Variants in DRC3 observed in about 807,000 individuals in gnomAD.
DRC3 encodes the protein dynein regulatory complex subunit 3.
Under a neutral mutation model 57.6 loss-of-function variants are expected in DRC3, and 45 were observed. That is an observed-to-expected ratio of 0.78 (90% CI 0.62 to 1.00). The LOEUF (loss-of-function observed/expected upper bound fraction) is 1.00, where lower values mean the gene tolerates loss of function less well. Among genes scored for constraint, DRC3 ranks in the 50% least tolerant of loss-of-function variants. The pLI is 0.00. For missense variants in DRC3, 655 were observed against 675.2 expected (o/e 0.97, Z 0.33); for synonymous variants, 257 against 272.3 (o/e 0.94, Z 0.55).
At position 17,998,675 on chromosome 17, in the gene DRC3, C is replaced by T. The variant is rs76061573; in HGVS notation, c.999+1041C>T. On this transcript the variant is annotated intron_variant, in intron 9 of 13. Transcript: ENST00000399187. ...TGGTGATCCACTCCCATGTGCTTCCCGCCTCCCCAACGGCCACCCCCATTC... is the reference window on the plus strand; with the variant it reads ...TGGTGATCCACTCCCATGTGCTTCCTGCCTCCCCAACGGCCACCCCCATTC... Among the ~76,000 whole-genome samples the T allele has an allele frequency of 4.6e-3, 698 of 152,196 alleles. 8 individuals carry two copies. Among genetic ancestry groups the T allele is most frequent in the African/African-American group, 0.016 (678 of 41,518 alleles).
At chr17:18,006,533 C>A in intron 11 of DRC3, 1 of 513,144 alleles carries the variant, frequency 1.9e-6, no homozygotes, top group Non-Finnish European at 3.5e-6. Flanking sequence ...TGAGGCAACC[C>A]CCACGTGGAA....
chr17:18,014,018 G>A (rs141677723), intron 12 of DRC3, among the ~76,000 whole-genome samples: 167 of 150,750 alleles, frequency 1.1e-3, no homozygotes, highest in African/African-American at 3.8e-3. Context: ...CTGCAACCTC[G>A]GCCTCCCAGG....
chr17:17,992,986 C>T, intron 6 of DRC3, 75 bp downstream of exon 6: 1 of 1,532,928 alleles, frequency 6.5e-7, no homozygotes, highest in Non-Finnish European at 9.0e-7. Context: ...GGAAAAGGGG[C>T]ATTGAAGAGT....
At chr17:17,981,316 T>C in intron 3 of DRC3, 1 of 253,140 alleles carries the variant, frequency 4.0e-6, no homozygotes, top group South Asian at 6.2e-5. Flanking sequence ...CAGCACCCTA[T>C]CCCTGCAGAC....
At chr17:18,006,471 T>C in intron 11 of DRC3, 1 of 580,938 alleles carries the variant, frequency 1.7e-6, no homozygotes, top group East Asian at 2.8e-5. Flanking sequence ...ATATGAGTGA[T>C]GTTCACTAGG....
rs150707975 is a variant in DRC3 at position 18,010,192 on chromosome 17, G to A, written c.1326+3045G>A. On this transcript the variant is annotated intron_variant, in intron 12 of 13. Transcript: ENST00000399187. ...TCTGGCTGGCACCAGGAGACTCCGC[G>A]TTGGCTTGTCCCTGCCCATCAAGCC... Among the ~76,000 whole-genome samples the A allele has an allele frequency of 2.0e-4, 30 of 152,340 alleles. No individual in the cohort carries two copies. The East Asian group carries it at 2.3e-3, about 12-fold the overall frequency.
intron 11 of DRC3, chr17:18,006,558 T>A (rs572708100): frequency 3.3e-5 from 15 of 453,482 alleles, no homozygotes; most frequent in African/African-American, 2.7e-4. Flanking sequence ...CTATAAGGAG[T>A]ACATCAGGTG....
intron 3 of DRC3, among the ~76,000 whole-genome samples, chr17:17,979,523 T>C (rs2042552393): frequency 6.6e-6 from 1 of 152,224 alleles, no homozygotes; most frequent in South Asian, 2.1e-4. Flanking sequence ...TGTTGAAGAT[T>C]AAATCGGCTT....
intron 9 of DRC3, among the ~76,000 whole-genome samples, chr17:18,002,718 TGAGGCA>T (rs2145400144): frequency 6.6e-6 from 1 of 152,266 alleles, no homozygotes; most frequent in African/African-American, 2.4e-5. Flanking sequence ...CAGGACCCCG[TGAGGCA>T]GAGATGCTTC....
intron 12 of DRC3, 132 bp from the exon 13 acceptor site, chr17:18,015,932 C>A: frequency 1.1e-6 from 1 of 899,254 alleles, no homozygotes; most frequent in East Asian, 2.5e-5. Flanking sequence ...TGCGCTGATA[C>A]AAAGGTGGGC....
chr17:17,974,910 C>T (rs1481726703), intron 2 of DRC3, among the ~76,000 whole-genome samples: 2 of 152,204 alleles, frequency 1.3e-5, no homozygotes, highest in South Asian at 4.1e-4. Context: ...GGACTAAATA[C>T]GTGATCTCAC....
At chr17:17,977,971 C>T (rs1051893322) in intron 3 of DRC3, 8 of 467,932 alleles carry the variant, frequency 1.7e-5, no homozygotes, top group East Asian at 3.7e-5. Flanking sequence ...CACGACGCTC[C>T]GGATTCTGAA....
chr17:17,991,625 C>T (rs1262319130), intron 5 of DRC3, among the ~76,000 whole-genome samples: 1 of 151,878 alleles, frequency 6.6e-6, no homozygotes, highest in Non-Finnish European at 1.5e-5. Flanking sequence ...TACTTTTTTG[C>T]CAGTACTTTT....
At position 17,995,130 on chromosome 17, in the gene DRC3, G is replaced by A; in HGVS notation, c.824+19G>A. The stretch of plus-strand genomic sequence containing the variant: ...TTGAGACATATCCTTCTGAGTTCAT[G>A]GCTGTCTCAGAGCCTCTGCCACCAG... On this transcript the variant is annotated intron_variant, in intron 8 of 13. Transcript: ENST00000399187. 6.4e-7 allele frequency: 1 copy of A among 1,574,278 alleles called. No homozygotes were observed. The highest frequency in any genetic ancestry group is 2.2e-5 in the East Asian group (1 of 44,646).
At chr17:18,010,078 A>G (rs967706179) in intron 12 of DRC3, among the ~76,000 whole-genome samples, 4 of 152,202 alleles carry the variant, frequency 2.6e-5, no homozygotes, top group African/African-American at 7.2e-5. Flanking sequence ...GCTCAGGCCC[A>G]GGGAGGATGC....
chr17:18,010,882 C>T, intron 12 of DRC3: 1 of 356,752 alleles, frequency 2.8e-6, no homozygotes, highest in Non-Finnish European at 5.5e-6. Context: ...CTTCTCCCCG[C>T]CCATCAAGTA....
At chr17:18,011,541 A>G in intron 12 of DRC3, 1 of 169,716 alleles carries the variant, frequency 5.9e-6, no homozygotes, top group South Asian at 1.1e-4. Flanking sequence ...TTATTCCTGC[A>G]CCCAGGGGCA....
chr17:18,012,853 AAAC>A (rs2044216815), intron 12 of DRC3, among the ~76,000 whole-genome samples: 1 of 152,220 alleles, frequency 6.6e-6, no homozygotes, highest in Non-Finnish European at 1.5e-5. Context: ...ACAGCAAATG[AAAC>A]AACAGAGTGA....
intron 5 of DRC3, among the ~76,000 whole-genome samples, chr17:17,991,305 T>C (rs2043215506): frequency 6.9e-6 from 1 of 144,780 alleles, no homozygotes; most frequent in Non-Finnish European, 1.5e-5. Context: ...TTTTTTTTTT[T>C]TTTGAGAAGG....
Sources: gnomAD v4.1 joint callset for allele counts (sites outside exome capture counted in the v4.1 genomes callset) on GRCh38, gnomAD v4.1.1 for gene constraint, MANE v1.5 for transcripts, NCBI Gene and HGNC (gene_info 2026-07-23, HGNC 2026-07-21) for gene names.